Variants in ZNF83 observed in about 807,000 individuals in gnomAD.
ZNF83 encodes zinc finger protein 816B.
For synonymous variants in ZNF83, 209 were observed against 213.0 expected (o/e 0.98, Z 0.17); for missense variants, 552 against 629.9 (o/e 0.88, Z 1.32).
chr19:52,685,467 C>T (rs1201309397), intron 1 of ZNF83, among the ~76,000 whole-genome samples: 1 of 152,074 alleles, frequency 6.6e-6, no homozygotes. Flanking sequence ...TGATTCCTGA[C>T]ATTTAATTCT....
chr19:52,666,681 G>A (rs1201393430), intron 1 of ZNF83, among the ~76,000 whole-genome samples: 1 of 149,088 alleles, frequency 6.7e-6, no homozygotes, highest in Non-Finnish European at 1.5e-5. Flanking sequence ...CTTCAAGTAT[G>A]AGGCTATTCT....
At chr19:52,652,899 T>C (rs552913138) in intron 3 of ZNF83, 3 of 1,107,094 alleles carry the variant, frequency 2.7e-6, no homozygotes, top group East Asian at 2.6e-5. Flanking sequence ...ACTTGTAAGG[T>C]TTCTCTCCAC....
At chr19:52,620,270 CTG>C (rs377267661) in intron 2 of ZNF83, among the ~76,000 whole-genome samples, 17 of 144,490 alleles carry the variant, frequency 1.2e-4, no homozygotes, top group South Asian at 9.0e-4. Flanking sequence ...GTGTATATCT[CTG>C]TGTGTGTGTG....
chr19:52,683,059 T>A (rs1235408333), intron 1 of ZNF83, among the ~76,000 whole-genome samples: 1 of 112,638 alleles, frequency 8.9e-6, no homozygotes, highest in African/African-American at 4.5e-5. Context: ...TTAGTAGAGA[T>A]GAGGTTTCAC....
exon 3 of ZNF83, chr19:52,613,635 A>C (rs7247258): frequency 6.2e-7 from 1 of 1,608,166 alleles, no homozygotes; most frequent in East Asian, 2.2e-5. Context: ...CTCCAGTATG[A>C]ATTCTCCAGT....
At chr19:52,653,951 A>C in intron 3 of ZNF83, 1 of 1,220,388 alleles carries the variant, frequency 8.2e-7, no homozygotes, top group Non-Finnish European at 1.2e-6. Context: ...AATAATGAAG[A>C]ATGGAGAAAG....
chr19:52,674,818 A>G (rs922424947), intron 1 of ZNF83, among the ~76,000 whole-genome samples: 3 of 152,250 alleles, frequency 2.0e-5, no homozygotes, highest in Non-Finnish European at 2.9e-5. Flanking sequence ...TCGTTAAATG[A>G]TTATACAACC....
chr19:52,666,111 C>T (rs537520843), intron 1 of ZNF83, among the ~76,000 whole-genome samples: 14 of 148,942 alleles, frequency 9.4e-5, no homozygotes, highest in African/African-American at 3.5e-4. Flanking sequence ...TTGCAGTGAG[C>T]CAAGATCGCA....
At chr19:52,642,354 C>T (rs1422619533), upstream of ZNF83, among the ~76,000 whole-genome samples, 5 of 144,380 alleles carry the variant, frequency 3.5e-5, no homozygotes, top group African/African-American at 5.1e-5. Flanking sequence ...CTGCAACCTT[C>T]GCCTCTTGGG....
chr19:52,630,367 T>C (rs961225197), intron 2 of ZNF83, among the ~76,000 whole-genome samples: 1 of 152,148 alleles, frequency 6.6e-6, no homozygotes. Flanking sequence ...CCACTCCACA[T>C]TACCTTCTTT....
At chr19:52,658,710 T>C (rs867531671) in intron 2 of ZNF83, among the ~76,000 whole-genome samples, 3 of 152,318 alleles carry the variant, frequency 2.0e-5, no homozygotes, top group Middle Eastern at 3.4e-3. Flanking sequence ...CATTAGGTCA[T>C]AGGGTAAATA....
intron 1 of ZNF83, among the ~76,000 whole-genome samples, chr19:52,678,372 C>T (rs2061852482): frequency 6.7e-6 from 1 of 149,924 alleles, no homozygotes; most frequent in African/African-American, 2.5e-5. Context: ...ATCACTTGAA[C>T]CTGGGGGACA....
chr19:52,688,372 C>T (rs2062083587), intron 1 of ZNF83, among the ~76,000 whole-genome samples: 2 of 150,724 alleles, frequency 1.3e-5, no homozygotes, highest in African/African-American at 2.4e-5. Flanking sequence ...AAGGATCTCA[C>T]TATGTTGTGC....
chr19:52,677,816 G>A (rs1020042491), intron 1 of ZNF83, among the ~76,000 whole-genome samples: 2 of 152,106 alleles, frequency 1.3e-5, no homozygotes, highest in Admixed American at 1.3e-4. Flanking sequence ...GGTGGATCAT[G>A]AGGTCAGGAG....
chr19:52,631,114 A>G (rs2060941397), intron 2 of ZNF83, among the ~76,000 whole-genome samples: 1 of 109,712 alleles, frequency 9.1e-6, no homozygotes, highest in African/African-American at 3.3e-5. Context: ...AGGCTCAGCA[A>G]ATTACCTGGG....
At chr19:52,685,932 G>T in intron 1 of ZNF83, among the ~76,000 whole-genome samples, 1 of 150,178 alleles carries the variant, frequency 6.7e-6, no homozygotes, top group South Asian at 2.1e-4. Flanking sequence ...AAAAATACAG[G>T]AGTGCTTCTG....
intron 1 of ZNF83, among the ~76,000 whole-genome samples, chr19:52,661,178 G>C (rs1040369062): frequency 6.6e-6 from 1 of 152,024 alleles, no homozygotes; most frequent in Admixed American, 6.6e-5. Flanking sequence ...TTAATGTTTA[G>C]AAACCACACA....
At chr19:52,687,345 T>A (rs1284346372) in intron 1 of ZNF83, among the ~76,000 whole-genome samples, 1 of 119,000 alleles carries the variant, frequency 8.4e-6, no homozygotes, top group African/African-American at 3.7e-5. Context: ...GATATATAAT[T>A]TATATAGCTA....
chr19:52,685,356 C>T (rs4802978), intron 1 of ZNF83, among the ~76,000 whole-genome samples: 107,912 of 151,976 alleles, frequency 0.71, 38,738 homozygotes, highest in African/African-American at 0.8. Flanking sequence ...GAAGGGCTAA[C>T]GGGAAGGGTT....
Sources: gnomAD v4.1 joint callset for allele counts (sites outside exome capture counted in the v4.1 genomes callset) on GRCh38, gnomAD v4.1.1 for gene constraint, MANE v1.5 for transcripts, NCBI Gene and HGNC (gene_info 2026-07-23, HGNC 2026-07-21) for gene names.